The following CCDC171 variants were observed in gnomAD, a reference collection of about 807,000 sequenced individuals.
The protein encoded by CCDC171 is coiled-coil domain containing 171.
CCDC171 carries 177 observed loss-of-function variants against 168.2 expected under a neutral mutation model. That is an observed-to-expected ratio of 1.05 (90% CI 0.93 to 1.19). CCDC171 has a LOEUF of 1.19. Among genes scored for constraint, CCDC171 ranks in the 50% most tolerant of loss-of-function variants. The pLI, the probability that CCDC171 is intolerant of heterozygous loss-of-function variation, is 0.00. For missense variants in CCDC171, 1,991 were observed against 1,539.0 expected (o/e 1.29, Z -4.91); for synonymous variants, 687 against 540.8 (o/e 1.27, Z -3.75).
chr9:16,041,532 G>T (rs1014437742), upstream of CCDC171, among the ~76,000 whole-genome samples: 2 of 152,216 alleles, frequency 1.3e-5, no homozygotes, highest in Non-Finnish European at 2.9e-5. Context: ...TACTTATTTT[G>T]ATCTGAACCA....
intron 9 of CCDC171, among the ~76,000 whole-genome samples, chr9:15,674,757 G>C (rs1303813926): frequency 6.6e-6 from 1 of 152,158 alleles, no homozygotes; most frequent in Non-Finnish European, 1.5e-5. Flanking sequence ...TTTTACATTT[G>C]CTGAGGAGTG....
At chr9:15,968,537 C>CTTTTTTTTTTTTTTTTTTTTTTTTT (rs35265243) in intron 25 of CCDC171, among the ~76,000 whole-genome samples, 1 of 88,832 alleles carries the variant, frequency 1.1e-5, no homozygotes, top group Non-Finnish European at 2.2e-5. Flanking sequence ...TTGTTGCTGG[C>CTTTTTTTTTTTTTTTTTTTTTTTTT]TTTTTTTTTT....
chr9:15,840,571 A>G (rs1053865216), intron 21 of CCDC171, among the ~76,000 whole-genome samples: 1 of 152,134 alleles, frequency 6.6e-6, no homozygotes, highest in African/African-American at 2.4e-5. Context: ...CAGCATCATG[A>G]TGGTTGTCAT....
At chr9:15,696,956 A>G (rs1266135591) in intron 11 of CCDC171, among the ~76,000 whole-genome samples, 2 of 152,134 alleles carry the variant, frequency 1.3e-5, no homozygotes, top group Non-Finnish European at 2.9e-5. Context: ...GAGTGGTAAC[A>G]TGTTTCCATT....
intron 25 of CCDC171, among the ~76,000 whole-genome samples, chr9:15,956,231 G>A (rs1289655609): frequency 6.6e-6 from 1 of 152,160 alleles, no homozygotes; most frequent in Non-Finnish European, 1.5e-5. Context: ...TCACAGAATG[G>A]CAAGTTATGG....
At chr9:15,605,783 G>T (rs950359891) in intron 6 of CCDC171, among the ~76,000 whole-genome samples, 1 of 151,924 alleles carries the variant, frequency 6.6e-6, no homozygotes, top group Non-Finnish European at 1.5e-5. Flanking sequence ...CGCTCCTCAT[G>T]TCAGGATATA....
chr9:15,980,310 T>G (rs890489766), intron 3 of CCDC171, among the ~76,000 whole-genome samples: 2 of 152,216 alleles, frequency 1.3e-5, no homozygotes. Context: ...AAATTACATG[T>G]TATTTGCAAG....
At chr9:15,941,321 A>G (rs993715723) in intron 25 of CCDC171, among the ~76,000 whole-genome samples, 1 of 152,046 alleles carries the variant, frequency 6.6e-6, no homozygotes, top group Non-Finnish European at 1.5e-5. Context: ...GCGATTCAAT[A>G]CTTGGTTAAC....
chr9:15,711,364 A>T (rs926425789), intron 11 of CCDC171, among the ~76,000 whole-genome samples: 5 of 152,164 alleles, frequency 3.3e-5, no homozygotes, highest in African/African-American at 1.2e-4. Flanking sequence ...TCTTTGACCT[A>T]TATCAGTTTG....
chr9:16,019,003 T>A (rs961107111), intron 3 of CCDC171, among the ~76,000 whole-genome samples: 1 of 152,272 alleles, frequency 6.6e-6, no homozygotes, highest in African/African-American at 2.4e-5. Context: ...GAGGGCTGTT[T>A]GGAAGACTAA....
intron 8 of CCDC171, among the ~76,000 whole-genome samples, chr9:15,658,407 C>G (rs888636120): frequency 1.3e-5 from 2 of 152,130 alleles, no homozygotes; most frequent in African/African-American, 2.4e-5. Flanking sequence ...ATGATGAACA[C>G]CTGAATCAAG....
At chr9:16,100,622 C>T in the CCDC171 span, among the ~76,000 whole-genome samples, 5 of 152,230 alleles carry the variant, frequency 3.3e-5, no homozygotes, top group Admixed American at 6.5e-5. Flanking sequence ...AATAACCCAT[C>T]TTAGGATCAG....
At chr9:15,775,219 G>C (rs986853769) in intron 18 of CCDC171, among the ~76,000 whole-genome samples, 4 of 152,186 alleles carry the variant, frequency 2.6e-5, no homozygotes, top group Non-Finnish European at 4.4e-5. Context: ...CGGCAGTTAG[G>C]AACTTAGAGC....
the CCDC171 span, among the ~76,000 whole-genome samples, chr9:16,101,026 T>G: frequency 6.6e-6 from 1 of 152,160 alleles, no homozygotes; most frequent in African/African-American, 2.4e-5. Context: ...ATGCAGGGTG[T>G]TGACAGGCTC....
At chr9:15,892,447 C>T (rs760091145) in intron 24 of CCDC171, among the ~76,000 whole-genome samples, 2 of 152,104 alleles carry the variant, frequency 1.3e-5, no homozygotes, top group Admixed American at 6.6e-5. Context: ...TTTTCTGCAT[C>T]TATTGAGATA....
At chr9:15,643,861 T>A (rs1228045660) in intron 7 of CCDC171, among the ~76,000 whole-genome samples, 3 of 152,238 alleles carry the variant, frequency 2.0e-5, no homozygotes, top group African/African-American at 7.2e-5. Context: ...TTACTTTTTT[T>A]ATATATGCTT....
chr9:15,601,200 C>A (rs1227415496), intron 6 of CCDC171, among the ~76,000 whole-genome samples: 1 of 152,182 alleles, frequency 6.6e-6, no homozygotes. Context: ...GTTGGAAATG[C>A]AGAAATCATT....
At chr9:15,721,911 CT>C in intron 12 of CCDC171, 36 bp downstream of exon 12, 2 of 1,167,406 alleles carry the variant, frequency 1.7e-6, no homozygotes, top group Non-Finnish European at 2.4e-6. Context: ...CACATATAGC[CT>C]TCGGCCTGTA....
intron 1 of CCDC171, among the ~76,000 whole-genome samples, chr9:16,053,932 G>A (rs925166251): frequency 2.6e-5 from 4 of 152,178 alleles, no homozygotes; most frequent in East Asian, 3.8e-4. Flanking sequence ...TTCTTGCCCC[G>A]TTAGCACTCT....
Sources: gnomAD v4.1 joint callset for allele counts (sites outside exome capture counted in the v4.1 genomes callset) on GRCh38, gnomAD v4.1.1 for gene constraint, MANE v1.5 for transcripts, NCBI Gene and HGNC (gene_info 2026-07-23, HGNC 2026-07-21) for gene names.